TUSC3: variants seen among roughly 807,000 people sequenced by gnomAD.
TUSC3 encodes tumor suppressor candidate 3.
In TUSC3, 45 loss-of-function variants were observed where a neutral mutation model predicts 44.8. The observed-to-expected ratio is 1.00, with a 90% CI of 0.79 to 1.29. The LOEUF (loss-of-function observed/expected upper bound fraction) is 1.29. TUSC3 is among the 50% of genes most tolerant of loss of function. TUSC3 has a pLI of 0.00. For synonymous variants in TUSC3, 212 were observed against 152.9 expected (o/e 1.39, Z -2.85); for missense variants, 519 against 437.9 (o/e 1.19, Z -1.65).
chr8:15,561,364 C>CA lies in TUSC3; in HGVS notation c.138+20797dup. Among the ~76,000 whole-genome samples, 2 of 143,602 alleles carry CA rather than the reference C, an allele frequency of 1.4e-5. 1 individual carries two copies. The highest frequency in any genetic ancestry group is 4.2e-4 in the East Asian group (2 of 4,734). 94.2% of individuals were successfully genotyped at this position (143,602 alleles called of 152,430 possible). A position where few individuals can be genotyped will look rare whatever the true frequency, so the allele number is the denominator to read the frequency against. On this transcript the variant is annotated intron_variant, in intron 1 of 10. Coordinates refer to ENST00000503731, the MANE Select transcript of TUSC3 (RefSeq NM_006765.4). The stretch of plus-strand genomic sequence containing the variant: ...CTTGAGGAGGCAGTCTGCCAGTTCT[C>CA]AGATCTCCAGCTGCGTGCTGGGAGA...
chr8:15,606,884 C>A (rs774737805), intron 1 of TUSC3, among the ~76,000 whole-genome samples: 1 of 151,870 alleles, frequency 6.6e-6, no homozygotes, highest in African/African-American at 2.4e-5. Context: ...ACAGTTTTAA[C>A]TTACGTTTTC....
chr8:15,684,575 A>G (rs1808551299), intron 6 of TUSC3, among the ~76,000 whole-genome samples: 1 of 152,044 alleles, frequency 6.6e-6, no homozygotes, highest in Non-Finnish European at 1.5e-5. Flanking sequence ...CTCCCTGGGG[A>G]AGAAGCTGCA....
chr8:15,541,428 A>G (rs1801687938), intron 1 of TUSC3, among the ~76,000 whole-genome samples: 1 of 152,196 alleles, frequency 6.6e-6, no homozygotes. Flanking sequence ...CTGCTTACAT[A>G]ATTGAAGATA....
the TUSC3 span, among the ~76,000 whole-genome samples, chr8:15,792,797 T>G: frequency 6.6e-6 from 1 of 151,962 alleles, no homozygotes; most frequent in Non-Finnish European, 1.5e-5. Flanking sequence ...TTTTGTAGTT[T>G]TAGTAGAAAC....
chr8:15,476,159 G>A (rs547701868), intron 1 of TUSC3, among the ~76,000 whole-genome samples: 14 of 152,246 alleles, frequency 9.2e-5, no homozygotes, highest in African/African-American at 3.4e-4. Flanking sequence ...TAGGTTTTAT[G>A]CTGTTATGTA....
intron 1 of TUSC3, among the ~76,000 whole-genome samples, chr8:15,619,516 A>T (rs1342317113): frequency 6.6e-6 from 1 of 151,342 alleles, no homozygotes; most frequent in Non-Finnish European, 1.5e-5. Flanking sequence ...TTTCCAGTCG[A>T]AGTCTGTCTC....
At chr8:15,426,869 C>A (rs769573370) in intron 1 of TUSC3, among the ~76,000 whole-genome samples, 1 of 152,156 alleles carries the variant, frequency 6.6e-6, no homozygotes, top group Non-Finnish European at 1.5e-5. Context: ...ACAAGGGTTC[C>A]ACATTTTCTA....
chr8:15,614,437 T>C (rs1284565513), intron 1 of TUSC3, among the ~76,000 whole-genome samples: 3 of 152,208 alleles, frequency 2.0e-5, no homozygotes, highest in Non-Finnish European at 2.9e-5. Flanking sequence ...TTGTGACTGT[T>C]TACAGTTAAT....
At chr8:15,703,985 A>G (rs1226353378) in intron 6 of TUSC3, among the ~76,000 whole-genome samples, 1 of 152,168 alleles carries the variant, frequency 6.6e-6, no homozygotes, top group East Asian at 1.9e-4. Flanking sequence ...CAAAATAGAT[A>G]AAGCTTATAA....
At chr8:15,717,214 G>GA (rs979227881) in intron 6 of TUSC3, among the ~76,000 whole-genome samples, 3 of 151,998 alleles carry the variant, frequency 2.0e-5, no homozygotes, top group South Asian at 2.1e-4. Flanking sequence ...CAGAATTTTA[G>GA]AAAAAAACTT....
At chr8:15,570,875 G>A (rs532018824) in intron 1 of TUSC3, among the ~76,000 whole-genome samples, 21 of 149,786 alleles carry the variant, frequency 1.4e-4, no homozygotes, top group South Asian at 8.4e-4. Context: ...TGAAGCTGCC[G>A]GATTGTTCAA....
intron 1 of TUSC3, among the ~76,000 whole-genome samples, chr8:15,459,715 T>C (rs76631949): frequency 0.021 from 3,124 of 152,234 alleles, 66 homozygotes; most frequent in South Asian, 0.11. Flanking sequence ...TGAGAAGATA[T>C]GATGTTTGAT....
the TUSC3 span, among the ~76,000 whole-genome samples, chr8:15,807,439 G>A: frequency 2.6e-5 from 4 of 152,142 alleles, no homozygotes; most frequent in Admixed American, 2.6e-4. Context: ...AGCCACTGTG[G>A]AAAGCAAAGA....
the TUSC3 span, among the ~76,000 whole-genome samples, chr8:15,842,960 T>A: frequency 6.6e-6 from 1 of 152,196 alleles, no homozygotes; most frequent in East Asian, 1.9e-4. Context: ...TTGACAGTGC[T>A]CAATAACCAT....
At chr8:15,602,021 A>C (rs1413627726) in intron 1 of TUSC3, among the ~76,000 whole-genome samples, 1 of 151,546 alleles carries the variant, frequency 6.6e-6, no homozygotes, top group African/African-American at 2.4e-5. Context: ...TACGATGTCT[A>C]CCTGAAATCT....
intron 1 of TUSC3, among the ~76,000 whole-genome samples, chr8:15,417,505 C>T (rs1697669303): frequency 6.6e-6 from 1 of 152,190 alleles, no homozygotes; most frequent in African/African-American, 2.4e-5. Flanking sequence ...GACTTGGATC[C>T]TGACCTGTAA....
At chr8:15,807,133 C>T in the TUSC3 span, 1 of 1,016,584 alleles carries the variant, frequency 9.8e-7, no homozygotes, top group Non-Finnish European at 1.5e-6. Context: ...GACCACCTTT[C>T]AAGTCCACTT....
At chr8:15,419,017 GA>G (rs1184045611) in intron 1 of TUSC3, among the ~76,000 whole-genome samples, 4 of 151,746 alleles carry the variant, frequency 2.6e-5, no homozygotes, top group Admixed American at 1.3e-4. Flanking sequence ...AAGGAAAAAA[GA>G]AAAAAAGAAT....
chr8:15,716,142 G>C (rs993314559), intron 6 of TUSC3, among the ~76,000 whole-genome samples: 3 of 152,102 alleles, frequency 2.0e-5, no homozygotes, highest in African/African-American at 4.8e-5. Flanking sequence ...TGTAGTCCCA[G>C]TTACTCGGGA....
Sources: gnomAD v4.1 joint callset for allele counts (sites outside exome capture counted in the v4.1 genomes callset) on GRCh38, gnomAD v4.1.1 for gene constraint, MANE v1.5 for transcripts, NCBI Gene and HGNC (gene_info 2026-07-23, HGNC 2026-07-21) for gene names.